GALNT17: variants seen among roughly 807,000 people sequenced by gnomAD.
GALNT17 encodes the protein polypeptide N-acetylgalactosaminyltransferase 17.
Under a neutral mutation model 63.7 loss-of-function variants are expected in GALNT17, and 29 were observed. The observed-to-expected ratio is 0.46, with a 90% CI of 0.34 to 0.62. The LOEUF (loss-of-function observed/expected upper bound fraction) is 0.62. Ranked by LOEUF, GALNT17 falls within the 20% of genes least tolerant of loss-of-function variation. GALNT17 has a pLI of 0.01. For missense variants in GALNT17, 603 were observed against 799.6 expected (o/e 0.75, Z 2.97); for synonymous variants, 305 against 318.3 (o/e 0.96, Z 0.45).
intron 1 of GALNT17, among the ~76,000 whole-genome samples, chr7:71,334,392 C>A (rs1198711122): frequency 6.6e-6 from 1 of 152,050 alleles, no homozygotes; most frequent in East Asian, 1.9e-4. Flanking sequence ...GTCCTTCTTT[C>A]TGTCAGTGGC....
rs148134386 is a variant in GALNT17, at chr7:71,383,689, G to A, written c.423-4546G>A. On this transcript the variant is annotated intron_variant, in intron 2 of 10. Coordinates refer to ENST00000333538, the MANE Select transcript of GALNT17 (RefSeq NM_022479.3). ...CCTCTAGCACTCTTCCCACCTTGGC[G>A]TCCCAAGTAGTTAAGGCTACAGGTG... is the stretch of plus-strand genomic sequence containing the variant. Among the ~76,000 whole-genome samples, 864 of 152,198 alleles carry A rather than the reference G, an allele frequency of 5.7e-3. 8 individuals are homozygous for A. The highest frequency in any genetic ancestry group is 0.02 in the African/African-American group (835 of 41,536).
chr7:71,371,783 C>T (rs1239662654), intron 2 of GALNT17, among the ~76,000 whole-genome samples: 4 of 152,056 alleles, frequency 2.6e-5, no homozygotes, highest in Admixed American at 2.0e-4. Context: ...GGGAGACGTG[C>T]ACTATTATAC....
chr7:71,684,982 A>ATG (rs1791331127), intron 9 of GALNT17, among the ~76,000 whole-genome samples: 2 of 139,026 alleles, frequency 1.4e-5, no homozygotes, highest in African/African-American at 5.0e-5. Flanking sequence ...CTTTTTTTTT[A>ATG]TTATTATTAT....
chr7:71,467,262 G>C (rs935047410), intron 5 of GALNT17, among the ~76,000 whole-genome samples: 3 of 152,286 alleles, frequency 2.0e-5, no homozygotes, highest in Admixed American at 1.3e-4. Context: ...CCTAGGGACA[G>C]CTCTCTGGTT....
intron 9 of GALNT17, among the ~76,000 whole-genome samples, chr7:71,699,570 A>G (rs188638009): frequency 2.0e-5 from 3 of 152,260 alleles, no homozygotes; most frequent in Admixed American, 2.0e-4. Context: ...GGCAAATTCT[A>G]AAGAGCAGAA....
intron 1 of GALNT17, among the ~76,000 whole-genome samples, chr7:71,320,258 A>T (rs1358142546): frequency 6.6e-6 from 1 of 151,944 alleles, no homozygotes. Flanking sequence ...TTAAATTGAG[A>T]TAGTGTCTTG....
chr7:71,701,872 TATATATATGTATATATATATATACAC>T (rs1791650423), intron 9 of GALNT17, among the ~76,000 whole-genome samples: 2 of 61,124 alleles, frequency 3.3e-5, no homozygotes, highest in African/African-American at 1.2e-4. Flanking sequence ...TATATATACA[TATATATATGTATATATATATATACAC>T]ATATATATAT....
chr7:71,584,649 G>C (rs1584070051), intron 6 of GALNT17, among the ~76,000 whole-genome samples: 2 of 152,208 alleles, frequency 1.3e-5, no homozygotes, highest in East Asian at 3.9e-4. Context: ...AAAAAAATTT[G>C]TTTGATAGTC....
At chr7:71,229,294 GC>G (rs1365409864) in intron 1 of GALNT17, among the ~76,000 whole-genome samples, 1 of 152,226 alleles carries the variant, frequency 6.6e-6, no homozygotes, top group Non-Finnish European at 1.5e-5. Flanking sequence ...CAGCCAGAAG[GC>G]TGTCAACGGA....
At chr7:71,648,491 G>A (rs1790712686) in intron 6 of GALNT17, among the ~76,000 whole-genome samples, 1 of 152,138 alleles carries the variant, frequency 6.6e-6, no homozygotes, top group Admixed American at 6.5e-5. Context: ...GCCCAGGCTG[G>A]TCTTAAACCC....
At chr7:71,458,685 C>T (rs1010941117) in intron 5 of GALNT17, among the ~76,000 whole-genome samples, 4 of 152,062 alleles carry the variant, frequency 2.6e-5, no homozygotes, top group African/African-American at 9.7e-5. Flanking sequence ...TGGATGGGAA[C>T]GTGGAAAGGT....
chr7:71,433,180 G>A (rs971007977), intron 5 of GALNT17, among the ~76,000 whole-genome samples: 10 of 152,150 alleles, frequency 6.6e-5, no homozygotes, highest in South Asian at 2.1e-4. Flanking sequence ...TCTGGAAGTC[G>A]TCATCTTCCA....
chr7:71,694,552 CG>C (rs2117101410), intron 9 of GALNT17, among the ~76,000 whole-genome samples: 1 of 152,062 alleles, frequency 6.6e-6, no homozygotes, highest in East Asian at 1.9e-4. Context: ...TGCACCACCA[CG>C]TTCAGTTAAT....
chr7:71,276,688 A>G (rs566137880), intron 1 of GALNT17, among the ~76,000 whole-genome samples: 13 of 152,074 alleles, frequency 8.5e-5, no homozygotes, highest in African/African-American at 3.1e-4. Context: ...AACCCATTAG[A>G]TCTCTTTTCT....
intron 1 of GALNT17, among the ~76,000 whole-genome samples, chr7:71,269,549 G>A (rs1292582186): frequency 6.6e-6 from 1 of 152,158 alleles, no homozygotes; most frequent in African/African-American, 2.4e-5. Context: ...GGCAGTAGAA[G>A]GAGTAGGGGC....
intron 9 of GALNT17, among the ~76,000 whole-genome samples, chr7:71,687,862 A>AT (rs980224547): frequency 1.6e-4 from 24 of 151,962 alleles, no homozygotes; most frequent in Non-Finnish European, 2.9e-4. Context: ...TGCCTAGCTA[A>AT]TTTTTTTGTG....
In GALNT17 at chr7:71,455,720, TGA is replaced by T. The variant is rs1393449532; in HGVS notation, c.962+34616_962+34617del. 3.9e-5 allele frequency among the ~76,000 whole-genome samples: 6 copies of T among 152,152 alleles called. No homozygotes were observed. The East Asian group carries it at 9.7e-4, about 24-fold the overall frequency. On this transcript the variant is annotated intron_variant, in intron 5 of 10. Transcript: ENST00000333538. ...CAGCACGGGGCATAGGGACTTCATC[TGA>T]AATCTCAAATCCCATGTGGCAAATA...
At chr7:71,693,313 T>TATATATATATGGAGACAAGACCAAA (rs1791490130) in intron 9 of GALNT17, among the ~76,000 whole-genome samples, 1 of 144,940 alleles carries the variant, frequency 6.9e-6, no homozygotes, top group African/African-American at 2.6e-5. Flanking sequence ...CACACACATA[T>TATATATATATGGAGACAAGACCAAA]ATATATATGG....
intron 1 of GALNT17, among the ~76,000 whole-genome samples, chr7:71,281,083 T>C (rs566729677): frequency 1.3e-5 from 2 of 152,284 alleles, no homozygotes; most frequent in Admixed American, 6.5e-5. Context: ...GGACCAGCTA[T>C]TGGGAATGCC....
Sources: allele counts gnomAD v4.1 joint callset (sites outside exome capture counted in the v4.1 genomes callset), GRCh38; gene constraint gnomAD v4.1.1; transcripts MANE v1.5; gene names NCBI Gene and HGNC (gene_info 2026-07-23, HGNC 2026-07-21).